AKR1C2: variants seen among roughly 807,000 people sequenced by gnomAD.
AKR1C2 encodes the protein aldo-keto reductase family 1 member C2.
Under a neutral mutation model 39.8 loss-of-function variants are expected in AKR1C2, and 27 were observed. The ratio of observed to expected loss-of-function variants is 0.68; its 90% CI spans 0.50 to 0.93. AKR1C2 has a LOEUF of 0.93. Among genes scored for constraint, AKR1C2 ranks in the 40% least tolerant of loss-of-function variants. AKR1C2 has a pLI of 0.00. For synonymous variants in AKR1C2, 114 were observed against 137.9 expected (o/e 0.83, Z 1.22); for missense variants, 263 against 365.1 (o/e 0.72, Z 2.28).
At chr10:5,008,454 A>G (rs1457959127), upstream of AKR1C2, among the ~76,000 whole-genome samples, 13 of 152,058 alleles carry the variant, frequency 8.5e-5, no homozygotes, top group Admixed American at 8.5e-4. Context: ...GCACCTTGCC[A>G]AGGCTCAAGG....
intron 1 of AKR1C2, among the ~76,000 whole-genome samples, chr10:5,011,039 C>CAAAAAAAAAA (rs35486838): frequency 7.1e-6 from 1 of 140,520 alleles, no homozygotes. Context: ...TTCTGTAAAG[C>CAAAAAAAAAA]AAAAAAAAAA....
chr10:4,994,445 C>T (rs1228969819), intron 7 of AKR1C2, among the ~76,000 whole-genome samples: 10 of 152,088 alleles, frequency 6.6e-5, no homozygotes, highest in Non-Finnish European at 1.3e-4. Flanking sequence ...TTCCCCACCC[C>T]TTGAGTCTGA....
At chr10:4,995,655 C>T (rs1424972077) in intron 6 of AKR1C2, 101 bp downstream of exon 6, 3 of 1,362,498 alleles carry the variant, frequency 2.2e-6, no homozygotes, top group Non-Finnish European at 3.0e-6. Context: ...TCTTCCCTCA[C>T]CCCAAGTCAG....
intron 1 of AKR1C2, among the ~76,000 whole-genome samples, chr10:5,003,041 A>G (rs1252868322): frequency 6.6e-6 from 1 of 152,212 alleles, no homozygotes; most frequent in Non-Finnish European, 1.5e-5. Context: ...GTTTTCTTCC[A>G]GTGTAGAAAT....
At chr10:5,000,386 T>C (rs781949472) in intron 3 of AKR1C2, 164 bp downstream of exon 3, 1 of 1,554,916 alleles carries the variant, frequency 6.4e-7, no homozygotes, top group Non-Finnish European at 8.7e-7. Context: ...GATTCAAAAT[T>C]GCTTTCTGTT....
intron 8 of AKR1C2, 69 bp from the exon 9 acceptor site, chr10:4,990,107 T>C: frequency 1.3e-6 from 2 of 1,596,456 alleles, no homozygotes; most frequent in Non-Finnish European, 1.7e-6. Flanking sequence ...AGCGCAGTGA[T>C]TTCTAGGAAG....
At chr10:5,016,906 A>G (rs1837652323) in intron 1 of AKR1C2, among the ~76,000 whole-genome samples, 1 of 152,190 alleles carries the variant, frequency 6.6e-6, no homozygotes, top group Non-Finnish European at 1.5e-5. Flanking sequence ...TTAAAACTAC[A>G]TGGAAGTCAC....
chr10:4,997,977 A>AGC (rs2131690930), intron 5 of AKR1C2, among the ~76,000 whole-genome samples: 1 of 152,286 alleles, frequency 6.6e-6, no homozygotes, highest in East Asian at 1.9e-4. Flanking sequence ...GCCGACTAGG[A>AGC]GCGGGGCAGT....
chr10:5,007,566 T>C (rs112438973), upstream of AKR1C2: 494 of 149,516 alleles, frequency 3.3e-3, 8 homozygotes, highest in African/African-American at 0.012. Context: ...ATCCAGATTT[T>C]AGCAAAGAAT....
At chr10:5,011,785 T>G (rs1244826998) in intron 1 of AKR1C2, among the ~76,000 whole-genome samples, 1 of 137,812 alleles carries the variant, frequency 7.3e-6, no homozygotes. Context: ...ACCCAATGAC[T>G]GCAACCCTTA....
upstream of AKR1C2, among the ~76,000 whole-genome samples, chr10:5,005,160 G>A (rs1837372700): frequency 1.3e-5 from 2 of 152,108 alleles, no homozygotes; most frequent in South Asian, 4.1e-4. Context: ...TTTCATAATA[G>A]TAAGCAATTC....
chr10:4,996,516 C>A (rs1434550467), intron 5 of AKR1C2, among the ~76,000 whole-genome samples: 2 of 145,528 alleles, frequency 1.4e-5, no homozygotes, highest in African/African-American at 5.0e-5. Flanking sequence ...TCTTTGATCA[C>A]ATTCTTCTTT....
chr10:4,997,080 C>A (rs1339845574), intron 5 of AKR1C2, among the ~76,000 whole-genome samples: 2 of 152,114 alleles, frequency 1.3e-5, no homozygotes, highest in African/African-American at 4.8e-5. Flanking sequence ...TTAGCTTAAC[C>A]AAGTTTTTAA....
intron 7 of AKR1C2, among the ~76,000 whole-genome samples, chr10:4,993,489 C>G (rs1391172218): frequency 1.3e-5 from 2 of 151,906 alleles, no homozygotes; most frequent in Non-Finnish European, 2.9e-5. Context: ...AAGTCATACC[C>G]ATTAGAATTA....
intron 1 of AKR1C2, 123 bp downstream of exon 1, chr10:5,003,629 A>T: frequency 1.8e-6 from 2 of 1,118,660 alleles, no homozygotes; most frequent in South Asian, 2.7e-5. Context: ...GCATTGCAGA[A>T]CAAAGACTGA....
rs201924526 is a variant in AKR1C2, at chr10:5,000,535, A to G, written c.369+15T>C. Reference sequence around the variant, plus strand: ...GAACAAAAGTGAAATTAATTTGATCACACAAGCTGCCTACCTTTACAGACA... The same window carrying G: ...GAACAAAAGTGAAATTAATTTGATCGCACAAGCTGCCTACCTTTACAGACA... On this transcript the variant is annotated intron_variant, in intron 3 of 8. Coordinates refer to ENST00000380753, the MANE Select transcript of AKR1C2 (RefSeq NM_001393392.1). 8.7e-6 allele frequency: 14 copies of G among 1,613,500 alleles called. No individual in the cohort carries two copies. The highest frequency in any genetic ancestry group is 1.2e-5 in the Non-Finnish European group (14 of 1,179,598).
chr10:4,992,872 C>A (rs1836888217), intron 7 of AKR1C2, among the ~76,000 whole-genome samples: 1 of 152,168 alleles, frequency 6.6e-6, no homozygotes, highest in African/African-American at 2.4e-5. Context: ...ACTGCTTGAA[C>A]CCGGGAGGTG....
Position 4,995,858 on chromosome 10 carries a change from C to T in AKR1C2, c.578G>A (p.Cys193Tyr). The change falls in exon 6 of 9, where the codon TGT becomes TAT. Residue 193 changes from cysteine (C) to tyrosine (Y), a missense_variant. Around this residue, in one of 3 missense-constraint regions of AKR1C2, gnomAD observed 247 missense variants for 267.9 expected, o/e 0.92. Coordinates refer to ENST00000380753, the MANE Select transcript of AKR1C2 (RefSeq NM_001393392.1). ...TTTTCTCTGGTTGAAGTAAGGATGA[C>T]ATTCCACCTGCAGACGAGCAAGATG... ...KYKPVCNQVE[C>Y]HPYFNQRKLL... 1 of 1,611,564 alleles carries T rather than the reference C, an allele frequency of 6.2e-7. No homozygotes were observed. Among genetic ancestry groups the T allele is most frequent in the South Asian group, 1.1e-5 (1 of 90,578 alleles).
intron 7 of AKR1C2, among the ~76,000 whole-genome samples, chr10:4,994,942 G>C (rs1836979461): frequency 7.5e-6 from 1 of 133,546 alleles, no homozygotes; most frequent in Non-Finnish European, 1.6e-5. Flanking sequence ...AAAATTCTAA[G>C]AGAATAAATA....
Sources: allele counts gnomAD v4.1 joint callset (sites outside exome capture counted in the v4.1 genomes callset), GRCh38; gene constraint gnomAD v4.1.1; regional missense constraint gnomAD v4.1.1; transcripts MANE v1.5; gene names NCBI Gene and HGNC (gene_info 2026-07-23, HGNC 2026-07-21).